Variants in FGF14 observed in about 807,000 individuals in gnomAD.
The protein encoded by FGF14 is fibroblast growth factor homologous factor 4.
A neutral mutation model predicts 25.5 loss-of-function variants in FGF14; 5 were observed. The ratio of observed to expected loss-of-function variants is 0.20; its 90% CI spans 0.10 to 0.41. The LOEUF is 0.41. FGF14 is among the 10% of genes least tolerant of loss of function. The pLI is 1.00. For missense variants in FGF14, 222 were observed against 320.1 expected (o/e 0.69, Z 2.34); for synonymous variants, 138 against 118.3 (o/e 1.17, Z -1.08).
At chr13:102,201,656 A>C (rs2049657102) in intron 1 of FGF14, among the ~76,000 whole-genome samples, 2 of 152,244 alleles carry the variant, frequency 1.3e-5, no homozygotes, top group Admixed American at 1.3e-4. Context: ...GCTACTGAGC[A>C]TGATGTATAA....
chr13:101,959,722 C>T (rs2036725896), intron 1 of FGF14, among the ~76,000 whole-genome samples: 1 of 152,134 alleles, frequency 6.6e-6, no homozygotes, highest in African/African-American at 2.4e-5. Flanking sequence ...TGTTCATACT[C>T]TATTTGACAT....
chr13:102,123,876 C>G (rs1808165377), intron 1 of FGF14, among the ~76,000 whole-genome samples: 1 of 152,054 alleles, frequency 6.6e-6, no homozygotes, highest in African/African-American at 2.4e-5. Flanking sequence ...TGTTTTGAGC[C>G]TAGAAACAGA....
intron 1 of FGF14, among the ~76,000 whole-genome samples, chr13:102,378,358 C>T (rs1167368175): frequency 1.3e-5 from 2 of 152,076 alleles, no homozygotes; most frequent in Non-Finnish European, 2.9e-5. Context: ...CCAAAAACTG[C>T]TCCAAAAATA....
At chr13:102,281,580 C>T in intron 1 of FGF14, among the ~76,000 whole-genome samples, 1 of 152,116 alleles carries the variant, frequency 6.6e-6, no homozygotes, top group Admixed American at 6.6e-5. Flanking sequence ...ATTTCCATGT[C>T]TCCACACTTG....
intron 1 of FGF14, among the ~76,000 whole-genome samples, chr13:102,066,092 G>A (rs1269422575): frequency 1.3e-5 from 2 of 151,992 alleles, no homozygotes; most frequent in African/African-American, 4.8e-5. Context: ...ATACACTTAA[G>A]TAATACATTA....
At chr13:102,099,373 C>T (rs572507967) in intron 1 of FGF14, among the ~76,000 whole-genome samples, 3 of 152,304 alleles carry the variant, frequency 2.0e-5, no homozygotes, top group Admixed American at 6.5e-5. Context: ...GTTCTTTAAA[C>T]GTCTCTCTGC....
At chr13:101,812,629 ATATATATATATATATATATATATATTTT>A in intron 3 of FGF14, among the ~76,000 whole-genome samples, 1 of 8,108 alleles carries the variant, frequency 1.2e-4, no homozygotes. Flanking sequence ...ATATATATAT[ATATATATATATATATATATATATATTTT>A]TTTTTTTTTT....
intron 1 of FGF14, among the ~76,000 whole-genome samples, chr13:102,104,905 T>C (rs2044833428): frequency 6.6e-6 from 1 of 152,192 alleles, no homozygotes; most frequent in East Asian, 1.9e-4. Context: ...TAGTGCCCTA[T>C]GTACAAAGAC....
chr13:102,379,317 T>C (rs946387746), intron 1 of FGF14, among the ~76,000 whole-genome samples: 2 of 152,042 alleles, frequency 1.3e-5, no homozygotes, highest in African/African-American at 2.4e-5. Context: ...TCAAGCAGTA[T>C]GTCTTGACAC....
intron 1 of FGF14, among the ~76,000 whole-genome samples, chr13:102,351,548 G>A (rs893556993): frequency 1.3e-5 from 2 of 152,218 alleles, no homozygotes; most frequent in African/African-American, 4.8e-5. Context: ...TTATCTGACA[G>A]TTGCTGTGGG....
intron 1 of FGF14, among the ~76,000 whole-genome samples, chr13:102,395,894 C>CT (rs2058569974): frequency 6.6e-6 from 1 of 152,200 alleles, no homozygotes; most frequent in South Asian, 2.1e-4. Context: ...AGAATCCCTC[C>CT]TTTTGTTCCC....
In FGF14 at chr13:101,768,739, C is replaced by T. The variant is rs142575556; in HGVS notation, c.409-41929G>A. ...AAGAAAAAGTAGTCTTTTCAACTAA[C>T]GGTACTGGGACAACTGGAACGTCCA... On this transcript the variant is annotated intron_variant, in intron 3 of 4. Transcript: ENST00000376143. 5.8e-3 allele frequency among the ~76,000 whole-genome samples: 881 copies of T among 152,238 alleles called. 9 individuals are homozygous for T. Among genetic ancestry groups the T allele is most frequent in the African/African-American group, 0.019 (808 of 41,562 alleles).
intron 1 of FGF14, among the ~76,000 whole-genome samples, chr13:101,977,329 G>T (rs1359745078): frequency 6.6e-6 from 1 of 151,852 alleles, no homozygotes; most frequent in Non-Finnish European, 1.5e-5. Flanking sequence ...TTTCTGAGTT[G>T]CAGTGAAAAA....
chr13:101,873,767 CA>C (rs1030749927), intron 2 of FGF14, among the ~76,000 whole-genome samples: 41 of 152,160 alleles, frequency 2.7e-4, no homozygotes, highest in African/African-American at 9.1e-4. Flanking sequence ...AAACTAATAA[CA>C]AAAGCTGCAA....
At chr13:102,282,279 T>C (rs1162581783) in intron 1 of FGF14, among the ~76,000 whole-genome samples, 1 of 152,120 alleles carries the variant, frequency 6.6e-6, no homozygotes, top group African/African-American at 2.4e-5. Flanking sequence ...TTGGTCAGGC[T>C]GGTCTCGAAC....
intron 3 of FGF14, among the ~76,000 whole-genome samples, chr13:101,820,374 A>G (rs2042052731): frequency 6.6e-6 from 1 of 152,238 alleles, no homozygotes; most frequent in Admixed American, 6.5e-5. Flanking sequence ...AAAACAGATT[A>G]AAATAAAATA....
At chr13:102,226,480 A>C (rs1419249750) in intron 1 of FGF14, among the ~76,000 whole-genome samples, 5 of 152,216 alleles carry the variant, frequency 3.3e-5, no homozygotes, top group African/African-American at 9.6e-5. Flanking sequence ...TATTCTATTC[A>C]ATTTTTCACA....
chr13:101,955,607 G>C (rs1363475467), intron 1 of FGF14, among the ~76,000 whole-genome samples: 3 of 152,228 alleles, frequency 2.0e-5, no homozygotes, highest in Admixed American at 2.0e-4. Flanking sequence ...TGCGTGACAC[G>C]CCACCTTCAC....
intron 1 of FGF14, among the ~76,000 whole-genome samples, chr13:102,368,743 T>C (rs1175639434): frequency 6.6e-6 from 1 of 152,140 alleles, no homozygotes. Flanking sequence ...ATAAAGAAAA[T>C]GCAATTCCCC....
Sources: allele counts gnomAD v4.1 joint callset (sites outside exome capture counted in the v4.1 genomes callset), GRCh38; gene constraint gnomAD v4.1.1; transcripts MANE v1.5; gene names NCBI Gene and HGNC (gene_info 2026-07-23, HGNC 2026-07-21).